Variants in EFHD1 observed in about 807,000 individuals in gnomAD.
EFHD1 encodes the protein EF-hand domain family member D1.
EFHD1 carries 10 observed loss-of-function variants against 17.2 expected under a neutral mutation model. That is an observed-to-expected ratio of 0.58 (90% CI 0.36 to 0.99). The LOEUF (loss-of-function observed/expected upper bound fraction) is 0.99, where lower values mean the gene tolerates loss of function less well. EFHD1 is among the 50% of genes least tolerant of loss of function. EFHD1 has a pLI of 0.01. For missense variants in EFHD1, 310 were observed against 327.5 expected (o/e 0.95, Z 0.41); for synonymous variants, 153 against 142.0 (o/e 1.08, Z -0.55).
At chr2:232,653,137 C>T (rs1298840633) in intron 1 of EFHD1, among the ~76,000 whole-genome samples, 5 of 151,502 alleles carry the variant, frequency 3.3e-5, no homozygotes, top group Non-Finnish European at 7.4e-5. Flanking sequence ...AGGATTATAG[C>T]CACCCACCAC....
chr2:232,673,930 A>G (rs1397802870), intron 3 of EFHD1, among the ~76,000 whole-genome samples: 2 of 112,256 alleles, frequency 1.8e-5, no homozygotes. Flanking sequence ...TTTTTTTGAG[A>G]TTGAGTCTCA....
At chr2:232,620,114 C>T (rs1472206022) in intron 1 of EFHD1, among the ~76,000 whole-genome samples, 8 of 150,692 alleles carry the variant, frequency 5.3e-5, no homozygotes, top group Admixed American at 1.3e-4. Context: ...CTCGGCCGGG[C>T]GCGGTGGCTC....
At chr2:232,659,009 T>G (rs1214247571) in intron 1 of EFHD1, among the ~76,000 whole-genome samples, 1 of 152,084 alleles carries the variant, frequency 6.6e-6, no homozygotes, top group Non-Finnish European at 1.5e-5. Flanking sequence ...CTTCTTAAAG[T>G]GCTCACAAAC....
At position 232,669,597 on chromosome 2, in the gene EFHD1, G is replaced by A. The variant is rs1311063865; in HGVS notation, c.451-2712G>A. Among the ~76,000 whole-genome samples the A allele has an allele frequency of 7.0e-5, 10 of 142,640 alleles. No homozygotes were observed. The Admixed American group carries it at 7.5e-4, about 11-fold the overall frequency. 93.6% of individuals were successfully genotyped at this position (142,640 alleles called of 152,430 possible). ...TAAGTAGTGTTCTTTTCCCTTTTGAGAAGGCTTTTTTTTTTTTTTTTTAGA... is the reference window on the plus strand; with the variant it reads ...TAAGTAGTGTTCTTTTCCCTTTTGAAAAGGCTTTTTTTTTTTTTTTTTAGA... On this transcript the variant is annotated intron_variant, in intron 2 of 3. Coordinates refer to ENST00000264059, the MANE Select transcript of EFHD1 (RefSeq NM_025202.4).
chr2:232,638,148 A>G, intron 1 of EFHD1: 1 of 313,014 alleles, frequency 3.2e-6, no homozygotes, highest in Non-Finnish European at 6.4e-6. Context: ...CTGACTCTAC[A>G]GCGTGTATCC....
intron 1 of EFHD1, among the ~76,000 whole-genome samples, chr2:232,623,294 C>A (rs2106187568): frequency 6.6e-6 from 1 of 152,280 alleles, no homozygotes; most frequent in South Asian, 2.1e-4. Context: ...CATCCTCCCA[C>A]TTCAGTCTCC....
intron 1 of EFHD1, among the ~76,000 whole-genome samples, chr2:232,662,468 C>T (rs1694890660): frequency 6.6e-6 from 1 of 152,066 alleles, no homozygotes; most frequent in African/African-American, 2.4e-5. Context: ...CAGTGTCCAG[C>T]ATTAGGAGGA....
intron 1 of EFHD1, among the ~76,000 whole-genome samples, chr2:232,613,987 T>C (rs1574698886): frequency 6.7e-6 from 1 of 149,858 alleles, no homozygotes; most frequent in African/African-American, 2.5e-5. Flanking sequence ...CACACACACA[T>C]ACATACACAT....
At chr2:232,637,300 G>T (rs1694335955) in intron 1 of EFHD1, among the ~76,000 whole-genome samples, 1 of 151,398 alleles carries the variant, frequency 6.6e-6, no homozygotes, top group African/African-American at 2.4e-5. Context: ...CTGAGCACCT[G>T]GTGCTCTCCC....
intron 1 of EFHD1, among the ~76,000 whole-genome samples, chr2:232,655,802 C>CTTTTTTTTTTTTTTTTT (rs66762860): frequency 7.5e-6 from 1 of 133,282 alleles, no homozygotes; most frequent in African/African-American, 3.1e-5. Context: ...TGTGTGGGGT[C>CTTTTTTTTTTTTTTTTT]TTTTTTTTTT....
chr2:232,661,361 A>G (rs1156270441), intron 1 of EFHD1, among the ~76,000 whole-genome samples: 3 of 151,958 alleles, frequency 2.0e-5, no homozygotes, highest in East Asian at 1.9e-4. Context: ...TTCTGTCTCT[A>G]TGAATTTGAC....
chr2:232,638,611 AAGAG>A (rs758593733), intron 1 of EFHD1: 1 of 367,564 alleles, frequency 2.7e-6, no homozygotes, highest in Non-Finnish European at 5.4e-6. Flanking sequence ...GAATTTTCCA[AAGAG>A]GTAAAGTGAG....
Position 232,646,308 on chromosome 2 carries a change from C to A in EFHD1, c.302+12302C>A, listed in dbSNP as rs542631676. On this transcript the variant is annotated intron_variant, in intron 1 of 3. Coordinates refer to ENST00000264059, the MANE Select transcript of EFHD1 (RefSeq NM_025202.4). The stretch of plus-strand genomic sequence containing the variant: ...CTCTCTCTGGTTCCCCCCACCCAGG[C>A]CTTGCTCTCACTGAGCTGAATGGCC... Among the ~76,000 whole-genome samples, 282 of 152,218 alleles carry A rather than the reference C, an allele frequency of 1.9e-3. 2 individuals carry two copies. Among genetic ancestry groups the A allele is most frequent in the African/African-American group, 6.7e-3 (277 of 41,542 alleles).
intron 2 of EFHD1, among the ~76,000 whole-genome samples, chr2:232,669,924 G>T (rs2106215706): frequency 6.6e-6 from 1 of 152,146 alleles, no homozygotes; most frequent in East Asian, 1.9e-4. Flanking sequence ...AGGGAAGAGG[G>T]TTATGAAAAA....
chr2:232,677,869 A>T (rs1695207102), intron 3 of EFHD1, among the ~76,000 whole-genome samples: 2 of 152,236 alleles, frequency 1.3e-5, no homozygotes, highest in South Asian at 4.1e-4. Flanking sequence ...TATCATATTC[A>T]TTCTCTGAAG....
rs1350060713 is a variant in EFHD1, at chr2:232,660,587, A to C, written c.303-2215A>C. ...TGGGCTCAAGTGACCATCCCACCCC[A>C]GTCTCCCAAGTAGCTGGGACTACGG... On this transcript the variant is annotated intron_variant, in intron 1 of 3. Transcript: ENST00000264059. 1.3e-5 allele frequency among the ~76,000 whole-genome samples: 2 copies of C among 152,126 alleles called. 1 individual carries two copies. Among genetic ancestry groups the C allele is most frequent in the Non-Finnish European group, 2.9e-5 (2 of 68,014 alleles).
chr2:232,669,741 T>C (rs1695035081), intron 2 of EFHD1, among the ~76,000 whole-genome samples: 1 of 151,858 alleles, frequency 6.6e-6, no homozygotes, highest in Admixed American at 6.6e-5. Flanking sequence ...GCTGGGATTA[T>C]AGGCAGGCAC....
intron 1 of EFHD1, among the ~76,000 whole-genome samples, chr2:232,621,572 C>T (rs1694019176): frequency 6.6e-6 from 1 of 152,164 alleles, no homozygotes; most frequent in Admixed American, 6.5e-5. Context: ...CCTGCCTCAG[C>T]CTCCCAAGTA....
At chr2:232,621,291 ACCAATTTCCC>A (rs1694013143) in intron 1 of EFHD1, among the ~76,000 whole-genome samples, 3 of 152,012 alleles carry the variant, frequency 2.0e-5, no homozygotes, top group South Asian at 2.1e-4. Context: ...GGTGGCTGGA[ACCAATTTCCC>A]CCATCCCCAA....
Sources: gnomAD v4.1 joint callset for allele counts (sites outside exome capture counted in the v4.1 genomes callset) on GRCh38, gnomAD v4.1.1 for gene constraint, MANE v1.5 for transcripts, NCBI Gene and HGNC (gene_info 2026-07-23, HGNC 2026-07-21) for gene names.